The following FOXP1 variants were observed in gnomAD, a reference collection of about 807,000 sequenced individuals.
FOXP1 encodes the protein forkhead box P1, also known as forkhead box protein P1.
FOXP1 carries 15 observed loss-of-function variants against 98.2 expected under a neutral mutation model. The observed-to-expected ratio is 0.15, with a 90% CI of 0.10 to 0.24. FOXP1 has a LOEUF of 0.24. Ranked by LOEUF, FOXP1 falls within the 10% of genes least tolerant of loss-of-function variation. FOXP1 has a pLI of 1.00. For missense variants in FOXP1, 633 were observed against 848.5 expected (o/e 0.75, Z 3.15); for synonymous variants, 371 against 314.5 (o/e 1.18, Z -1.90).
At chr3:71,262,219 T>C (rs958372138) in intron 5 of FOXP1, among the ~76,000 whole-genome samples, 3 of 121,216 alleles carry the variant, frequency 2.5e-5, no homozygotes, top group East Asian at 2.8e-4. Flanking sequence ...TGAGCCAAGA[T>C]TGCGCCACTG....
chr3:71,046,650 T>C (rs2049072970), intron 10 of FOXP1, among the ~76,000 whole-genome samples: 1 of 152,204 alleles, frequency 6.6e-6, no homozygotes. Flanking sequence ...CAAGAGTCCA[T>C]TAAAATGCTC....
At chr3:71,441,140 A>G (rs1286766623) in intron 3 of FOXP1, among the ~76,000 whole-genome samples, 1 of 152,234 alleles carries the variant, frequency 6.6e-6, no homozygotes, top group African/African-American at 2.4e-5. Flanking sequence ...TTAGAGACCT[A>G]GCTTAGCAGT....
chr3:71,034,617 T>C lies in FOXP1; in HGVS notation c.869+6711A>G, dbSNP rs534005350. Among the ~76,000 whole-genome samples the C allele has an allele frequency of 3.3e-5, 5 of 152,340 alleles. No individual in the cohort carries two copies. In the East Asian group the frequency reaches 5.8e-4, roughly 18 times the overall value. On this transcript the variant is annotated intron_variant, in intron 11 of 20. Transcript: ENST00000649528. Reference sequence around the variant, plus strand: ...AGCCCTATGTCAAGTCTGTTGAGCATTGTGTCTGGCACACAGTAAGAGTTA... The same window carrying C: ...AGCCCTATGTCAAGTCTGTTGAGCACTGTGTCTGGCACACAGTAAGAGTTA...
intron 2 of FOXP1, among the ~76,000 whole-genome samples, chr3:71,498,267 T>C (rs2091550092): frequency 6.6e-6 from 1 of 152,222 alleles, no homozygotes. Context: ...TTTCTTGTTT[T>C]GTTCTCCCCT....
chr3:71,053,618 T>C lies in FOXP1; in HGVS notation c.420+18A>G, dbSNP rs1344528490. 6.2e-7 allele frequency: 1 copy of C among 1,612,796 alleles called. No homozygotes were observed. The highest frequency in any genetic ancestry group is 1.3e-5 in the African/African-American group (1 of 74,544). On this transcript the variant is annotated intron_variant, in intron 8 of 20. Transcript: ENST00000649528. ...GGTTCTGGGGGAGACAGGCTGGAGGTGGAGGAAGGACAATTACCTGTTGAA... is the reference window on the plus strand; with the variant it reads ...GGTTCTGGGGGAGACAGGCTGGAGGCGGAGGAAGGACAATTACCTGTTGAA...
At chr3:71,393,675 A>G (rs2081188585) in intron 3 of FOXP1, among the ~76,000 whole-genome samples, 1 of 152,196 alleles carries the variant, frequency 6.6e-6, no homozygotes, top group African/African-American at 2.4e-5. Flanking sequence ...AAAATGCAAA[A>G]TTCTCTAAAC....
At chr3:71,100,449 G>A (rs1001924512) in intron 7 of FOXP1, among the ~76,000 whole-genome samples, 51 of 152,124 alleles carry the variant, frequency 3.4e-4, no homozygotes, top group Admixed American at 1.2e-3. Flanking sequence ...GGAGTGTCTC[G>A]CCTTAAGGTC....
intron 13 of FOXP1, among the ~76,000 whole-genome samples, chr3:70,996,080 A>G (rs1385447524): frequency 6.6e-6 from 1 of 152,178 alleles, no homozygotes; most frequent in African/African-American, 2.4e-5. Context: ...TCCACCTCCC[A>G]GGTTCAAGCA....
intron 2 of FOXP1, among the ~76,000 whole-genome samples, chr3:71,512,202 T>C (rs1308316839): frequency 2.0e-5 from 3 of 152,162 alleles, no homozygotes; most frequent in South Asian, 2.1e-4. Flanking sequence ...TTGTGCTATA[T>C]TGCCTCCCAG....
At chr3:71,228,293 G>T (rs1404104585) in intron 5 of FOXP1, among the ~76,000 whole-genome samples, 3 of 151,794 alleles carry the variant, frequency 2.0e-5, no homozygotes, top group Non-Finnish European at 4.4e-5. Context: ...GAAATTATTG[G>T]GTTAAATAAA....
intron 3 of FOXP1, among the ~76,000 whole-genome samples, chr3:71,487,440 G>T (rs116629803): frequency 6.6e-6 from 1 of 152,232 alleles, no homozygotes; most frequent in African/African-American, 2.4e-5. Flanking sequence ...GTATACAAAG[G>T]CAAACTGCAA....
intron 14 of FOXP1, among the ~76,000 whole-genome samples, chr3:70,983,374 T>C (rs1275303104): frequency 6.6e-6 from 1 of 152,166 alleles, no homozygotes. Context: ...CTTAATATTA[T>C]TTCTCCAACT....
At chr3:71,540,604 G>T (rs2036281) in intron 2 of FOXP1, among the ~76,000 whole-genome samples, 44,640 of 152,052 alleles carry the variant, frequency 0.29, 7,787 homozygotes, top group Non-Finnish European at 0.4. Flanking sequence ...TAACTTCTTG[G>T]GACAACCTTA....
intron 5 of FOXP1, among the ~76,000 whole-genome samples, chr3:71,264,372 A>C (rs2069440898): frequency 6.6e-6 from 1 of 152,202 alleles, no homozygotes; most frequent in Non-Finnish European, 1.5e-5. Flanking sequence ...ACAAGACCCA[A>C]GGCTTATTTA....
chr3:71,013,234 A>G (rs2043923514), intron 12 of FOXP1, among the ~76,000 whole-genome samples: 1 of 152,192 alleles, frequency 6.6e-6, no homozygotes, highest in Admixed American at 6.6e-5. Flanking sequence ...AACCTGAACA[A>G]AAGTCAATAC....
chr3:71,535,044 T>C (rs578152092), intron 2 of FOXP1, among the ~76,000 whole-genome samples: 1 of 152,214 alleles, frequency 6.6e-6, no homozygotes, highest in East Asian at 1.9e-4. Context: ...CATGTACCAA[T>C]GCTTGGAGAA....
chr3:71,042,312 G>A (rs1297568316), intron 10 of FOXP1, among the ~76,000 whole-genome samples: 1 of 152,026 alleles, frequency 6.6e-6, no homozygotes, highest in Non-Finnish European at 1.5e-5. Context: ...GGATCTAAAT[G>A]GACATGGGTT....
chr3:71,127,448 A>G (rs575961194), intron 6 of FOXP1, among the ~76,000 whole-genome samples: 2 of 146,202 alleles, frequency 1.4e-5, no homozygotes, highest in South Asian at 4.2e-4. Flanking sequence ...CTGTATCTTT[A>G]AAAAAAATAC....
intron 5 of FOXP1, among the ~76,000 whole-genome samples, chr3:71,235,289 A>T (rs2066679185): frequency 6.6e-6 from 1 of 152,254 alleles, no homozygotes; most frequent in Non-Finnish European, 1.5e-5. Context: ...CTTTCCCTAG[A>T]TCATCTATAT....
Sources: allele counts gnomAD v4.1 joint callset (sites outside exome capture counted in the v4.1 genomes callset), GRCh38; gene constraint gnomAD v4.1.1; transcripts MANE v1.5; gene names NCBI Gene and HGNC (gene_info 2026-07-23, HGNC 2026-07-21).